Variants in BBS9 observed in about 807,000 individuals in gnomAD.
BBS9 encodes the protein Bardet-Biedl syndrome 9.
In BBS9, 89 loss-of-function variants were observed where a neutral mutation model predicts 117.7. The observed-to-expected ratio is 0.76, with a 90% CI of 0.64 to 0.90. BBS9 has a LOEUF of 0.90. Ranked by LOEUF, BBS9 falls within the 40% of genes least tolerant of loss-of-function variation. The pLI is 0.00. For synonymous variants in BBS9, 379 were observed against 370.9 expected (o/e 1.02, Z -0.25); for missense variants, 982 against 1,042.2 (o/e 0.94, Z 0.80).
rs891626970 is a variant in BBS9, at chr7:33,533,845, A to G, written c.2299-109A>G. The G allele has an allele frequency of 7.0e-6, 9 of 1,277,682 alleles. No homozygotes were observed. In the East Asian group the frequency reaches 9.2e-5, roughly 13 times the overall value. The allele number at this position is 1,277,682 out of a possible 1,614,324, so 79.1% of individuals were successfully genotyped here. A position where few individuals can be genotyped will look rare whatever the true frequency, so the allele number is the denominator to read the frequency against. ...ATATTCCAGATACCACACTCTTCAC[A>G]GGTTCCCAACACTTGAACATAAACA... On this transcript the variant is annotated intron_variant, in intron 20 of 22. Transcript: ENST00000242067.
chr7:33,255,050 A>G (rs910282380), intron 5 of BBS9, among the ~76,000 whole-genome samples: 6 of 152,132 alleles, frequency 3.9e-5, no homozygotes. Flanking sequence ...TATATCTTTT[A>G]GAGACTAATT....
intron 5 of BBS9, among the ~76,000 whole-genome samples, chr7:33,253,775 AG>A (rs1796595025): frequency 2.0e-5 from 3 of 152,294 alleles, no homozygotes; most frequent in Admixed American, 6.5e-5. Flanking sequence ...AGGGGAGGGA[AG>A]TGTATAGTTG....
intron 1 of BBS9, among the ~76,000 whole-genome samples, chr7:33,136,485 T>G (rs982069906): frequency 6.6e-6 from 1 of 152,208 alleles, no homozygotes; most frequent in African/African-American, 2.4e-5. Flanking sequence ...TGATGTAAGC[T>G]GTGGATTTTG....
chr7:33,559,512 G>A (rs569092442), intron 21 of BBS9, among the ~76,000 whole-genome samples: 5 of 152,256 alleles, frequency 3.3e-5, no homozygotes, highest in African/African-American at 1.2e-4. Flanking sequence ...CGAAGCTTCA[G>A]ATAGCAGCCT....
At chr7:33,279,767 A>G (rs1412954961) in intron 9 of BBS9, among the ~76,000 whole-genome samples, 3 of 151,994 alleles carry the variant, frequency 2.0e-5, no homozygotes. Flanking sequence ...ATTATTTTCA[A>G]TTTTTGTAGG....
At chr7:33,536,676 G>GGCCTTCCCCCCGCCCTCC (rs1851429841) in intron 21 of BBS9, among the ~76,000 whole-genome samples, 1 of 30,818 alleles carries the variant, frequency 3.2e-5, no homozygotes, top group Non-Finnish European at 7.3e-5. Flanking sequence ...TCTGTGATTC[G>GGCCTTCCCCCCGCCCTCC]GCCTTCCCCC....
At chr7:33,219,039 G>T (rs1397285512) in intron 5 of BBS9, among the ~76,000 whole-genome samples, 1 of 152,244 alleles carries the variant, frequency 6.6e-6, no homozygotes, top group African/African-American at 2.4e-5. Flanking sequence ...GTTCCGGGTG[G>T]GTGTGGGCTT....
At chr7:33,195,674 A>G (rs1357784955) in intron 5 of BBS9, among the ~76,000 whole-genome samples, 1 of 152,208 alleles carries the variant, frequency 6.6e-6, no homozygotes, top group Admixed American at 6.5e-5. Context: ...TGTTTTAAAA[A>G]ATTACTTAAA....
At chr7:33,433,254 G>A (rs918257932) in intron 19 of BBS9, among the ~76,000 whole-genome samples, 3 of 152,198 alleles carry the variant, frequency 2.0e-5, no homozygotes, top group Middle Eastern at 3.4e-3. Flanking sequence ...GGTATACATA[G>A]TTACATGAAA....
At chr7:33,527,820 C>A (rs1314234774) in intron 20 of BBS9, among the ~76,000 whole-genome samples, 1 of 152,084 alleles carries the variant, frequency 6.6e-6, no homozygotes, top group Non-Finnish European at 1.5e-5. Context: ...CATTTTGAGC[C>A]CTCTTTGCAT....
chr7:33,407,148 T>C (rs908734167), intron 19 of BBS9, among the ~76,000 whole-genome samples: 1 of 152,204 alleles, frequency 6.6e-6, no homozygotes, highest in Non-Finnish European at 1.5e-5. Context: ...TATTCTTTTT[T>C]CTCTAAACTT....
chr7:33,179,144 TC>T (rs1797746863), intron 5 of BBS9, among the ~76,000 whole-genome samples: 1 of 152,190 alleles, frequency 6.6e-6, no homozygotes, highest in Non-Finnish European at 1.5e-5. Context: ...AATTCACTTT[TC>T]CCTACTGAAT....
intron 21 of BBS9, among the ~76,000 whole-genome samples, chr7:33,569,262 A>G (rs979698230): frequency 1.3e-5 from 2 of 152,180 alleles, no homozygotes; most frequent in Admixed American, 1.3e-4. Context: ...GTATCCTAGC[A>G]GTGTGGATTA....
intron 5 of BBS9, among the ~76,000 whole-genome samples, chr7:33,225,441 C>G (rs2128245717): frequency 6.6e-6 from 1 of 152,216 alleles, no homozygotes; most frequent in South Asian, 2.1e-4. Flanking sequence ...TCAAGCAGTC[C>G]TTCTACCTTG....
chr7:33,464,192 A>G (rs1022591737), intron 19 of BBS9, among the ~76,000 whole-genome samples: 1 of 152,114 alleles, frequency 6.6e-6, no homozygotes, highest in Admixed American at 6.6e-5. Context: ...GCTTTATTTA[A>G]CTAAAGACAG....
intron 9 of BBS9, among the ~76,000 whole-genome samples, chr7:33,288,140 T>C (rs775466351): frequency 2.0e-5 from 3 of 152,174 alleles, no homozygotes; most frequent in Non-Finnish European, 4.4e-5. Context: ...GGGGTGGAGC[T>C]ACCAGAAATT....
At chr7:33,326,968 C>T (rs1047261974) in intron 9 of BBS9, among the ~76,000 whole-genome samples, 3 of 151,962 alleles carry the variant, frequency 2.0e-5, no homozygotes, top group Non-Finnish European at 4.4e-5. Flanking sequence ...GTGGTGCAAG[C>T]ACTCCCTTGG....
chr7:33,595,052 T>C (rs182520157), intron 21 of BBS9, among the ~76,000 whole-genome samples: 114 of 152,128 alleles, frequency 7.5e-4, no homozygotes, highest in Middle Eastern at 3.4e-3. Context: ...TCAAGATAGA[T>C]TAAAGACTTA....
chr7:33,146,351 T>G lies in BBS9; in HGVS notation c.99T>G (p.Ser33Arg), dbSNP rs1449724531. ...GCLCLANVDN[S>R]GNGQDKIIVG... ...TGTGTCTGGCTAATGTTGACAATAG[T>G]GGAAATGGACAAGGTAAGCAACTTA... Residue 33 changes from serine (S) to arginine (R), a missense_variant, in exon 2 of 23, where the codon AGT becomes AGG. Transcript: ENST00000242067. 6.2e-7 allele frequency: 1 copy of G among 1,613,156 alleles called. No individual in the cohort carries two copies. The highest frequency in any genetic ancestry group is 8.5e-7 in the Non-Finnish European group (1 of 1,179,230).
Sources: gnomAD v4.1 joint callset for allele counts (sites outside exome capture counted in the v4.1 genomes callset) on GRCh38, gnomAD v4.1.1 for gene constraint, MANE v1.5 for transcripts, NCBI Gene and HGNC (gene_info 2026-07-23, HGNC 2026-07-21) for gene names.